Variants in KCNMA1 observed in about 807,000 individuals in gnomAD.
KCNMA1 encodes the protein potassium calcium-activated channel subfamily M alpha 1, also known as Calcium-activated potassium channel subunit alpha-1.
In KCNMA1, 29 loss-of-function variants were observed where a neutral mutation model predicts 140.0. That is an observed-to-expected ratio of 0.21 (90% CI 0.15 to 0.28). KCNMA1 has a LOEUF of 0.28. KCNMA1 is among the 10% of genes least tolerant of loss of function. KCNMA1 has a pLI of 1.00. For synonymous variants in KCNMA1, 612 were observed against 611.9 expected (o/e 1.00, Z 0.00); for missense variants, 880 against 1,602.2 (o/e 0.55, Z 7.70).
intron 5 of KCNMA1, among the ~76,000 whole-genome samples, chr10:77,164,399 A>G (rs1005171449): frequency 2.0e-5 from 3 of 152,204 alleles, no homozygotes; most frequent in African/African-American, 4.8e-5. Context: ...AGAATCAGGA[A>G]GATTCTCCTT....
intron 12 of KCNMA1, among the ~76,000 whole-genome samples, chr10:77,080,837 A>T (rs2096547120): frequency 6.6e-6 from 1 of 152,136 alleles, no homozygotes; most frequent in East Asian, 1.9e-4. Flanking sequence ...GACAAATCAA[A>T]CAAGCAGGAT....
chr10:77,217,588 A>G, intron 3 of KCNMA1: 1 of 456,042 alleles, frequency 2.2e-6, no homozygotes, highest in Non-Finnish European at 4.4e-6. Flanking sequence ...AGATACTTAC[A>G]GATGACACAG....
chr10:77,035,851 T>C (rs2094291402), intron 15 of KCNMA1, among the ~76,000 whole-genome samples: 1 of 152,202 alleles, frequency 6.6e-6, no homozygotes, highest in Non-Finnish European at 1.5e-5. Context: ...ATAGCACTCC[T>C]ATTTCAGAGA....
chr10:77,433,475 C>T (rs2097193185), intron 1 of KCNMA1: 1 of 152,190 alleles, frequency 6.6e-6, no homozygotes, highest in African/African-American at 2.4e-5. Context: ...ATTTCTTAAG[C>T]CACATATTCA....
chr10:77,497,558 T>G (rs778117914), intron 1 of KCNMA1, among the ~76,000 whole-genome samples: 24 of 152,182 alleles, frequency 1.6e-4, no homozygotes, highest in Non-Finnish European at 2.9e-4. Flanking sequence ...GTCCCCAAAC[T>G]AAGACTGTGT....
chr10:76,944,707 G>A, intron 23 of KCNMA1, 66 bp downstream of exon 23: 1 of 1,426,016 alleles, frequency 7.0e-7, no homozygotes, highest in Non-Finnish European at 9.9e-7. Context: ...CTGAGTGAAG[G>A]ATATCCCTCT....
intron 18 of KCNMA1, among the ~76,000 whole-genome samples, chr10:77,003,900 G>A (rs1203714258): frequency 6.6e-6 from 1 of 152,164 alleles, no homozygotes; most frequent in Admixed American, 6.6e-5. Flanking sequence ...CTTGATATGA[G>A]TTCAGGAGGA....
chr10:77,360,700 A>C (rs978562393), intron 2 of KCNMA1, among the ~76,000 whole-genome samples: 9 of 152,154 alleles, frequency 5.9e-5, no homozygotes, highest in Admixed American at 1.3e-4. Flanking sequence ...TCGGGTCTCC[A>C]AAGGGAAACT....
chr10:77,606,406 A>G lies in KCNMA1; in HGVS notation c.378+30859T>C, dbSNP rs1018402906. Among the ~76,000 whole-genome samples, 5 of 152,122 alleles carry G rather than the reference A, an allele frequency of 3.3e-5. No homozygotes were observed. The East Asian group carries it at 5.8e-4, about 18-fold the overall frequency. ...CAGTGCTTTGGGAGGCCAAGAGGGGACGATCGCTTGAGGCTGGGAGTTCAA... is the reference window on the plus strand; with the variant it reads ...CAGTGCTTTGGGAGGCCAAGAGGGGGCGATCGCTTGAGGCTGGGAGTTCAA... On this transcript the variant is annotated intron_variant, in intron 1 of 27. Transcript: ENST00000286628.
At chr10:77,145,081 T>A (rs1395962460) in intron 5 of KCNMA1, among the ~76,000 whole-genome samples, 1 of 152,172 alleles carries the variant, frequency 6.6e-6, no homozygotes, top group African/African-American at 2.4e-5. Flanking sequence ...CACTGGGCAA[T>A]CTGGTCTCCT....
intron 6 of KCNMA1, among the ~76,000 whole-genome samples, chr10:77,117,154 G>C (rs566272551): frequency 1.2e-4 from 19 of 152,188 alleles, no homozygotes; most frequent in Non-Finnish European, 2.5e-4. Context: ...CATAGTAGAT[G>C]TAATCATTAT....
chr10:77,055,970 C>T (rs949550697), intron 14 of KCNMA1, among the ~76,000 whole-genome samples: 2 of 152,214 alleles, frequency 1.3e-5, no homozygotes, highest in Admixed American at 1.3e-4. Flanking sequence ...ATATAGACCA[C>T]CACCCAGTCT....
At chr10:76,990,377 GC>G (rs1224221377) in intron 19 of KCNMA1, among the ~76,000 whole-genome samples, 1 of 152,138 alleles carries the variant, frequency 6.6e-6, no homozygotes, top group Non-Finnish European at 1.5e-5. Context: ...GGCTGTAATT[GC>G]CAACAAGATC....
chr10:77,472,634 T>A (rs2098190640), intron 1 of KCNMA1, among the ~76,000 whole-genome samples: 1 of 152,268 alleles, frequency 6.6e-6, no homozygotes, highest in Non-Finnish European at 1.5e-5. Flanking sequence ...ATAGCTCCTA[T>A]AAAACATCTT....
At chr10:77,528,409 G>C (rs1364757066) in intron 1 of KCNMA1, among the ~76,000 whole-genome samples, 2 of 152,072 alleles carry the variant, frequency 1.3e-5, no homozygotes, top group Non-Finnish European at 2.9e-5. Context: ...AGGAGTTTGA[G>C]ACCAGCCTGG....
intron 1 of KCNMA1, among the ~76,000 whole-genome samples, chr10:77,594,497 C>A (rs894644521): frequency 2.0e-5 from 3 of 152,196 alleles, no homozygotes; most frequent in Non-Finnish European, 2.9e-5. Context: ...TGTGTCCCTA[C>A]CTAAGTGCCT....
chr10:77,451,787 G>A (rs2097665218), intron 1 of KCNMA1, among the ~76,000 whole-genome samples: 1 of 152,176 alleles, frequency 6.6e-6, no homozygotes, highest in Admixed American at 6.5e-5. Context: ...GGACCTGGAT[G>A]CCTGGATGTT....
chr10:77,545,059 G>C (rs888940668), intron 1 of KCNMA1, among the ~76,000 whole-genome samples: 8 of 152,136 alleles, frequency 5.3e-5, no homozygotes, highest in African/African-American at 1.9e-4. Flanking sequence ...TGAAGTCACT[G>C]AATGATTAGT....
chr10:77,218,604 C>T (rs2048558706), intron 3 of KCNMA1, among the ~76,000 whole-genome samples: 1 of 152,148 alleles, frequency 6.6e-6, no homozygotes, highest in African/African-American at 2.4e-5. Flanking sequence ...GTAGAGCCCG[C>T]AAATATCCAT....
Sources: allele counts gnomAD v4.1 joint callset (sites outside exome capture counted in the v4.1 genomes callset), GRCh38; gene constraint gnomAD v4.1.1; transcripts MANE v1.5; gene names NCBI Gene and HGNC (gene_info 2026-07-23, HGNC 2026-07-21).